The following VGLL4 variants were observed in gnomAD, a reference collection of about 807,000 sequenced individuals.
VGLL4 encodes vestigial like family member 4, also known as transcription cofactor vestigial-like protein 4.
Under a neutral mutation model 21.0 loss-of-function variants are expected in VGLL4, and 7 were observed. That is an observed-to-expected ratio of 0.33 (90% CI 0.19 to 0.63). VGLL4 has a LOEUF of 0.63. Ranked by LOEUF, VGLL4 falls within the 20% of genes least tolerant of loss-of-function variation. The pLI, the probability that VGLL4 is intolerant of heterozygous loss-of-function variation, is 0.78. For missense variants in VGLL4, 394 were observed against 425.7 expected, an observed-to-expected ratio of 0.93 and a Z score of 0.66; for synonymous variants, 222 against 173.2, an observed-to-expected ratio of 1.28 and a Z score of -2.21.
chr3:11,687,619 T>C (rs74279991), intron 2 of VGLL4, among the ~76,000 whole-genome samples: 13,250 of 152,204 alleles, frequency 0.087, 796 homozygotes, highest in East Asian at 0.26. Context: ...CCTGAGACTT[T>C]TGAGATAATT....
At chr3:11,629,140 T>C (rs2075421939) in intron 1 of VGLL4, among the ~76,000 whole-genome samples, 1 of 152,178 alleles carries the variant, frequency 6.6e-6, no homozygotes, top group African/African-American at 2.4e-5. Context: ...GAATATAAAA[T>C]TTTAAACACA....
In VGLL4 at chr3:11,564,794, C is replaced by A; in HGVS notation, c.495+3G>T. 1.3e-6 allele frequency: 2 copies of A among 1,545,142 alleles called. 1 individual carries two copies. The highest frequency in any genetic ancestry group is 2.4e-5 in the South Asian group (2 of 84,654). Reference sequence around the variant, plus strand: ...CACGCCACCCTCCCAGACAGAGGCCCACCTGCTGCCGCTCCCCCGGGGTCA... The same window carrying A: ...CACGCCACCCTCCCAGACAGAGGCCAACCTGCTGCCGCTCCCCCGGGGTCA... On this transcript the variant is annotated splice_donor_region_variant and intron_variant, in intron 3 of 4. Transcript: ENST00000430365.
intron 1 of VGLL4, among the ~76,000 whole-genome samples, chr3:11,631,934 G>C: frequency 6.6e-6 from 1 of 152,180 alleles, no homozygotes; most frequent in Non-Finnish European, 1.5e-5. Context: ...CCCTCGGAGT[G>C]CTGTAGTGTC....
At chr3:11,580,611 G>A (rs2074197470) in intron 2 of VGLL4, among the ~76,000 whole-genome samples, 1 of 152,170 alleles carries the variant, frequency 6.6e-6, no homozygotes, top group Non-Finnish European at 1.5e-5. Context: ...TTCATTTAAC[G>A]TTTGGCCCTC....
intron 2 of VGLL4, among the ~76,000 whole-genome samples, chr3:11,689,774 G>C (rs138828893): frequency 5.4e-4 from 83 of 152,360 alleles, no homozygotes; most frequent in Non-Finnish European, 6.6e-4. Context: ...CAGGCTCCGT[G>C]TAAGAGGACA....
rs540692220 is a variant in VGLL4 at position 11,614,773 on chromosome 3, C to T, written c.83-12751G>A. On this transcript the variant is annotated intron_variant, in intron 1 of 4. Coordinates refer to ENST00000430365, the MANE Select transcript of VGLL4 (RefSeq NM_001128219.3). Reference sequence around the variant, plus strand: ...GGAAGCAGCATTAGGGACTTGGGCACGCACACCATTCGAGAGCCTGACAAC... The same window carrying T: ...GGAAGCAGCATTAGGGACTTGGGCATGCACACCATTCGAGAGCCTGACAAC... Among the ~76,000 whole-genome samples, 9 of 152,316 alleles carry T rather than the reference C, an allele frequency of 5.9e-5. No homozygotes were observed. In the South Asian group the frequency reaches 6.2e-4, roughly 11 times the overall value.
intron 2 of VGLL4, among the ~76,000 whole-genome samples, chr3:11,687,735 C>T (rs2076472392): frequency 6.6e-6 from 1 of 152,142 alleles, no homozygotes; most frequent in South Asian, 2.1e-4. Flanking sequence ...GAGGTTTTCC[C>T]CCATTTATTG....
At position 11,622,484 on chromosome 3, in the gene VGLL4, T is replaced by C. The variant is rs1053465875; in HGVS notation, c.83-20462A>G. On this transcript the variant is annotated intron_variant, in intron 1 of 4. Transcript: ENST00000430365. ...ATGTGTGTTTGGCCAGCCTATTTTC[T>C]TTAAAGCCATGCTGACAATGATTGT... 4.6e-5 allele frequency among the ~76,000 whole-genome samples: 7 copies of C among 152,366 alleles called. No homozygotes were observed. In the East Asian group the frequency reaches 1.2e-3, roughly 25 times the overall value.
chr3:11,704,151 C>A (rs772528402), intron 1 of VGLL4, among the ~76,000 whole-genome samples: 20 of 152,070 alleles, frequency 1.3e-4, no homozygotes, highest in Non-Finnish European at 2.8e-4. Context: ...GAGGCCGAGG[C>A]GGGCAGGTAA....
Position 11,568,765 on chromosome 3 carries a change from C to T in VGLL4, c.273-3746G>A, listed in dbSNP as rs565052871. 17 of 1,498,436 alleles carry T rather than the reference C, an allele frequency of 1.1e-5. No homozygotes were observed. The Middle Eastern group carries it at 7.2e-4, about 64-fold the overall frequency. The allele number at this position is 1,498,436 out of a possible 1,614,324, so 92.8% of individuals were successfully genotyped here. A position where few individuals can be genotyped will look rare whatever the true frequency, so the allele number is the denominator to read the frequency against. On this transcript the variant is annotated intron_variant, in intron 2 of 4. Coordinates refer to ENST00000430365, the MANE Select transcript of VGLL4 (RefSeq NM_001128219.3). This position sits in a 1 kb window ranked among gnomAD's most constrained non-coding sequence, Gnocchi z 5.9. ...CGCATCCTGCCCGGGAGATGGAAGT[C>T]GCCTCCGCTCCTGGTCAGGACTGTG...
At position 11,643,855 on chromosome 3, in the gene VGLL4, AAAG is replaced by A; in HGVS notation, c.-340_-338del. ...AAACGCGCAGCCCGTTTCCTAGGAC[AAAG>A]CGGCGCCGGCCCCTCTCACAGCCCG... On this transcript the variant is annotated 5_prime_UTR_variant, in exon 1 of 5. Coordinates refer to ENST00000430365, the MANE Select transcript of VGLL4 (RefSeq NM_001128219.3). The A allele has an allele frequency of 9.7e-7, 1 of 1,035,410 alleles. No homozygotes were observed. The highest frequency in any genetic ancestry group is 1.2e-6 in the Non-Finnish European group (1 of 861,646). The allele number at this position is 1,035,410 out of a possible 1,614,324, so 64.1% of individuals were successfully genotyped here. A position where few individuals can be genotyped will look rare whatever the true frequency, so the allele number is the denominator to read the frequency against.
At chr3:11,636,349 A>C (rs2443718) in intron 1 of VGLL4, among the ~76,000 whole-genome samples, 142,949 of 152,268 alleles carry the variant, frequency 0.94, 67,207 homozygotes, top group African/African-American at 0.97. Context: ...AATTAACAGG[A>C]AACTATTTTC....
chr3:11,624,983 T>C (rs559514543), intron 1 of VGLL4, among the ~76,000 whole-genome samples: 1 of 152,344 alleles, frequency 6.6e-6, no homozygotes, highest in East Asian at 1.9e-4. Context: ...TAACTGACAA[T>C]GCTCTTTAGG....
intron 1 of VGLL4, among the ~76,000 whole-genome samples, chr3:11,621,646 T>G (rs967485062): frequency 6.6e-6 from 1 of 152,246 alleles, no homozygotes; most frequent in Non-Finnish European, 1.5e-5. Context: ...GGACAGATTT[T>G]TACAGGGATG....
rs1291184181 is a variant in VGLL4 at position 11,570,212 on chromosome 3, C to T, written c.273-5193G>A. Among the ~76,000 whole-genome samples the T allele has an allele frequency of 5.9e-5, 9 of 152,184 alleles. No homozygotes were observed. In the East Asian group the frequency reaches 1.4e-3, roughly 23 times the overall value. On this transcript the variant is annotated intron_variant, in intron 2 of 4. Transcript: ENST00000430365. The stretch of plus-strand genomic sequence containing the variant: ...CAGACACCGGCCCTGTGGCATCAGC[C>T]GCTCAGGGTCGTCACACCAGGCCCA...
At chr3:11,657,553 C>G (rs1376130953) in intron 2 of VGLL4, among the ~76,000 whole-genome samples, 1 of 152,120 alleles carries the variant, frequency 6.6e-6, no homozygotes, top group Non-Finnish European at 1.5e-5. Flanking sequence ...ACCCAAAGTT[C>G]TCTGTGTCTC....
Position 11,568,858 on chromosome 3 carries a change from C to A in VGLL4, c.273-3839G>T, listed in dbSNP as rs2125153195. On this transcript the variant is annotated intron_variant, in intron 2 of 4. Transcript: ENST00000430365. This position sits in a 1 kb window ranked among gnomAD's most constrained non-coding sequence, Gnocchi z 5.9. ...CTGAGTGGCTCCGTGCCAGGCCTATCAGAGCCGCTGAGGCTGCACGGCACC... is the reference window on the plus strand; with the variant it reads ...CTGAGTGGCTCCGTGCCAGGCCTATAAGAGCCGCTGAGGCTGCACGGCACC... The A allele has an allele frequency of 7.2e-7, 1 of 1,379,762 alleles. No individual in the cohort carries two copies. The highest frequency in any genetic ancestry group is 3.1e-5 in the Admixed American group (1 of 32,116). The allele number at this position is 1,379,762 out of a possible 1,614,324, so 85.5% of individuals were successfully genotyped here. A position where few individuals can be genotyped will look rare whatever the true frequency, so the allele number is the denominator to read the frequency against.
chr3:11,690,285 G>A (rs1311555934), intron 2 of VGLL4, among the ~76,000 whole-genome samples: 1 of 151,986 alleles, frequency 6.6e-6, no homozygotes, highest in Non-Finnish European at 1.5e-5. Context: ...AATAGAGGTA[G>A]GCATCCTTTC....
chr3:11,615,905 T>C (rs2075152900), intron 1 of VGLL4, among the ~76,000 whole-genome samples: 1 of 152,212 alleles, frequency 6.6e-6, no homozygotes, highest in South Asian at 2.1e-4. Flanking sequence ...AAGGGACCTG[T>C]ATGGTTCAGG....
Sources: gnomAD v4.1 joint callset for allele counts (sites outside exome capture counted in the v4.1 genomes callset) on GRCh38, gnomAD v4.1.1 for gene constraint, Gnocchi (gnomAD v3.1) non-coding constraint, MANE v1.5 for transcripts, NCBI Gene and HGNC (gene_info 2026-07-23, HGNC 2026-07-21) for gene names.